The following RGL3 variants were observed in gnomAD, a reference collection of about 807,000 sequenced individuals.
The protein encoded by RGL3 is ral guanine nucleotide dissociation stimulator like 3, also known as ral guanine nucleotide dissociation stimulator-like 3.
In RGL3, 85 loss-of-function variants were observed where a neutral mutation model predicts 90.6. That is an observed-to-expected ratio of 0.94 (90% CI 0.79 to 1.12). The LOEUF is 1.12. Among genes scored for constraint, RGL3 ranks in the 50% most tolerant of loss-of-function variants. The probability of loss-of-function intolerance (pLI) is 0.00; values close to 1 mark genes in which losing one functional copy is unlikely to be tolerated. For synonymous variants in RGL3, 408 were observed against 385.5 expected (o/e 1.06, Z -0.68); for missense variants, 1,034 against 939.2 (o/e 1.10, Z -1.32).
Position 11,411,691 on chromosome 19 carries a change from G to A in RGL3, c.637+4246C>T, listed in dbSNP as rs533617582. 7.2e-5 allele frequency among the ~76,000 whole-genome samples: 11 copies of A among 152,236 alleles called. No homozygotes were observed. In the East Asian group the frequency reaches 9.7e-4, roughly 13 times the overall value. ...GGCTGGAGTACAGTGGCATAATCAC[G>A]GCTCACTGCAGCCTTGACCATCCCA... On this transcript the variant is annotated intron_variant, in intron 5 of 18. Coordinates refer to ENST00000380456, the MANE Select transcript of RGL3 (RefSeq NM_001035223.4).
chr19:11,419,004 C>T, intron 1 of RGL3: 2 of 632,390 alleles, frequency 3.2e-6, no homozygotes. Context: ...TTGGGGATGT[C>T]CCAGGGCCCA....
chr19:11,400,620 G>A (rs968275952), intron 13 of RGL3, among the ~76,000 whole-genome samples: 1 of 152,042 alleles, frequency 6.6e-6, no homozygotes, highest in Non-Finnish European at 1.5e-5. Flanking sequence ...GGGAGGCTGA[G>A]GCGAGAGGAT....
rs1354114611 is a variant in RGL3, at chr19:11,394,269, C to T, written c.*133G>A. ...CAGAGTCAGAAAAAGAGATGGGGTCCAATGGGCTACAGTTGGGTGGTGGTC... is the reference window on the plus strand; with the variant it reads ...CAGAGTCAGAAAAAGAGATGGGGTCTAATGGGCTACAGTTGGGTGGTGGTC... On this transcript the variant is annotated 3_prime_UTR_variant, in exon 19 of 19. Transcript: ENST00000380456. 22 of 721,206 alleles carry T rather than the reference C, an allele frequency of 3.1e-5. No homozygotes were observed. Among genetic ancestry groups the T allele is most frequent in the Non-Finnish European group, 5.3e-5 (21 of 394,370 alleles). 44.7% of individuals were successfully genotyped at this position (721,206 alleles called of 1,614,324 possible).
At chr19:11,405,032 C>T in intron 9 of RGL3, 115 bp downstream of exon 9, 1 of 858,152 alleles carries the variant, frequency 1.2e-6, no homozygotes. Context: ...CATTGCTGAG[C>T]GGTAGGGAAG....
rs1599431137 is a variant in RGL3 at position 11,400,320 on chromosome 19, A to G, written c.1485-23T>C. ...TAGCTGAGGGGTCAATATGTGGATG[A>G]GGTGGTGGGGGCAGGAAATACAGGG... is the stretch of plus-strand genomic sequence containing the variant. On this transcript the variant is annotated intron_variant, in intron 13 of 18. Transcript: ENST00000380456. The G allele has an allele frequency of 2.6e-6, 4 of 1,542,382 alleles. No individual in the cohort carries two copies. In the East Asian group the frequency reaches 9.3e-5, roughly 36 times the overall value.
At chr19:11,403,171 G>A (rs1968710322) in intron 9 of RGL3, among the ~76,000 whole-genome samples, 1 of 149,464 alleles carries the variant, frequency 6.7e-6, no homozygotes, top group South Asian at 2.3e-4. Context: ...AAGTAGCTGG[G>A]ACTACAGGCG....
Position 11,400,125 on chromosome 19 carries a change from G to A in RGL3, c.1581-17C>T. On this transcript the variant is annotated splice_polypyrimidine_tract_variant and intron_variant, in intron 14 of 18. Coordinates refer to ENST00000380456, the MANE Select transcript of RGL3 (RefSeq NM_001035223.4). ...GCAAGCTTCCTAAGGATGGGGACAG[G>A]GGATGAGGCTAAGGCAGGAGCAGCC... 6.2e-7 allele frequency: 1 copy of A among 1,604,368 alleles called. No individual in the cohort carries two copies. Among genetic ancestry groups the A allele is most frequent in the East Asian group, 2.2e-5 (1 of 44,494 alleles).
chr19:11,418,757 T>A lies in RGL3; in HGVS notation c.61A>T (p.Thr21Ser). 6.4e-7 allele frequency: 1 copy of A among 1,570,648 alleles called. No individual in the cohort carries two copies. The highest frequency in any genetic ancestry group is 8.6e-7 in the Non-Finnish European group (1 of 1,162,084). ...LAPLQDWGEE[T>S]EDGAVYSVSL... ...ACACTGTACACCGCGCCGTCCTCGG[T>A]CTCTTCACCCCAGTCCTGCAGCGGT... The change falls in exon 2 of 19, where the codon ACC (threonine) becomes TCC (serine). Residue 21 changes from threonine to serine, a missense_variant. Physicochemically the swap from Thr to Ser is moderately conservative, Grantham distance 58. Coordinates refer to ENST00000380456, the MANE Select transcript of RGL3 (RefSeq NM_001035223.4).
chr19:11,408,715 G>GC (rs1219483144), intron 5 of RGL3: 2 of 152,160 alleles, frequency 1.3e-5, no homozygotes, highest in African/African-American at 4.8e-5. Flanking sequence ...CCTGAATTGT[G>GC]CCCTCTAGCC....
At chr19:11,411,208 C>CAA (rs1031094432) in intron 5 of RGL3, 823 of 43,088 alleles carry the variant, frequency 0.019, 22 homozygotes, top group African/African-American at 0.04. Flanking sequence ...GACTCCATCT[C>CAA]AAAAAAAAAA....
At chr19:11,419,158 C>A in intron 1 of RGL3, 88 bp downstream of exon 1, 1 of 1,424,378 alleles carries the variant, frequency 7.0e-7, no homozygotes, top group Non-Finnish European at 9.7e-7. Flanking sequence ...AGATTGGGAG[C>A]AGATACCGTC....
chr19:11,417,035 A>G lies in RGL3; in HGVS notation c.172T>C (p.Phe58Leu). Residue 58 changes from phenylalanine to leucine, a missense_variant, in exon 3 of 19, where the codon TTC becomes CTC. By Grantham distance (22) the Phe-to-Leu change is conservative. Coordinates refer to ENST00000380456, the MANE Select transcript of RGL3 (RefSeq NM_001035223.4). ...SQAPSPIANT[F>L]LHYRTSKVRV... Reference sequence around the variant, plus strand: ...ACCTTGCTGGTTCGATAGTGGAGGAAGGTATTGGCAATGGGGCTGGGAGCC... The same window carrying G: ...ACCTTGCTGGTTCGATAGTGGAGGAGGGTATTGGCAATGGGGCTGGGAGCC... The G allele has an allele frequency of 6.2e-7, 1 of 1,608,420 alleles. No homozygotes were observed.
chr19:11,410,911 T>G (rs1016475927), intron 5 of RGL3, among the ~76,000 whole-genome samples: 1 of 151,904 alleles, frequency 6.6e-6, no homozygotes. Context: ...TAAAAGAGAC[T>G]TAGGAACAAA....
At chr19:11,394,919 G>A (rs940529307) in intron 18 of RGL3, among the ~76,000 whole-genome samples, 1 of 151,726 alleles carries the variant, frequency 6.6e-6, no homozygotes, top group Admixed American at 6.6e-5. Context: ...GTGAAACCCC[G>A]TCTCTACTAA....
rs762725979 is a variant in RGL3, at chr19:11,397,505, C to T, written c.1839G>A (p.Glu613=). The part of the protein sequence containing the change: ...RIPLPAQQSS[E]ARVIRVSIDN... ...CGATGCTGACGCGGATGACACGGGC[C>T]TCCGAGCTCTGCTGCGCCGGGAGGG... is the stretch of plus-strand genomic sequence containing the variant. Residue 613 remains glutamate, a synonymous_variant, in exon 17 of 19, where the codon GAG becomes GAA. Transcript: ENST00000380456. 1 of 1,613,656 alleles carries T rather than the reference C, an allele frequency of 6.2e-7. No homozygotes were observed. Among genetic ancestry groups the T allele is most frequent in the Non-Finnish European group, 8.5e-7 (1 of 1,179,880 alleles).
At chr19:11,410,094 T>A (rs1255814393) in intron 5 of RGL3, among the ~76,000 whole-genome samples, 1 of 151,442 alleles carries the variant, frequency 6.6e-6, no homozygotes, top group East Asian at 1.9e-4. Context: ...GGTGCCACTA[T>A]GCCCAGCCAG....
At chr19:11,399,068 C>T (rs1340619030) in intron 16 of RGL3, among the ~76,000 whole-genome samples, 1 of 152,154 alleles carries the variant, frequency 6.6e-6, no homozygotes, top group Non-Finnish European at 1.5e-5. Context: ...GATCCTTCCA[C>T]CTCAGCCTGC....
At position 11,394,473 on chromosome 19, in the gene RGL3, C is replaced by T. The variant is rs781097900; in HGVS notation, c.2062G>A (p.Val688Ile). The change falls in exon 19 of 19, where the codon GTC becomes ATC. Residue 688 changes from valine (V) to isoleucine (I), a missense_variant. Val to Ile is a conservative substitution (Grantham distance 29). Coordinates refer to ENST00000380456, the MANE Select transcript of RGL3 (RefSeq NM_001035223.4). ...CGCAGCATGAAGTCTCTGGGGGCGA[C>T]TGGACTCATGGCATAGAAGACGTTG... is the stretch of plus-strand genomic sequence containing the variant. ...NANVFYAMSPVAPRDFMLRRK... is the reference protein window; with the variant it reads ...NANVFYAMSPIAPRDFMLRRK... 6.2e-7 allele frequency: 1 copy of T among 1,613,990 alleles called. No individual in the cohort carries two copies. The highest frequency in any genetic ancestry group is 8.5e-7 in the Non-Finnish European group (1 of 1,179,984).
intron 5 of RGL3, among the ~76,000 whole-genome samples, chr19:11,414,511 A>ATATATATATACC (rs1465049973): frequency 2.6e-5 from 3 of 116,522 alleles, no homozygotes; most frequent in Admixed American, 1.0e-4. Context: ...ATATATATAT[A>ATATATATATACC]TATATATATA....
Sources: allele counts gnomAD v4.1 joint callset (sites outside exome capture counted in the v4.1 genomes callset), GRCh38; gene constraint gnomAD v4.1.1; transcripts MANE v1.5; gene names NCBI Gene and HGNC (gene_info 2026-07-23, HGNC 2026-07-21).